Variants in SEH1L observed in about 807,000 individuals in gnomAD.
The protein encoded by SEH1L is SEH1 like nucleoporin, also known as nucleoporin SEH1.
Under a neutral mutation model 49.5 loss-of-function variants are expected in SEH1L, and 18 were observed. That is an observed-to-expected ratio of 0.36 (90% CI 0.25 to 0.54). SEH1L has a LOEUF of 0.54. Among genes scored for constraint, SEH1L ranks in the 20% least tolerant of loss-of-function variants. The pLI is 0.87. For missense variants in SEH1L, 404 were observed against 528.8 expected, an observed-to-expected ratio of 0.76 and a Z score of 2.31; for synonymous variants, 169 against 178.1, an observed-to-expected ratio of 0.95 and a Z score of 0.41.
intron 1 of SEH1L, among the ~76,000 whole-genome samples, chr18:12,949,449 T>TTTTTTG: frequency 8.8e-6 from 1 of 113,950 alleles, no homozygotes; most frequent in Non-Finnish European, 1.9e-5. Flanking sequence ...ACCGTTTTTT[T>TTTTTTG]TTTTTTTTTT....
intron 6 of SEH1L, among the ~76,000 whole-genome samples, chr18:12,979,377 G>C (rs1489983837): frequency 6.7e-6 from 1 of 148,796 alleles, no homozygotes; most frequent in Non-Finnish European, 1.5e-5. Context: ...GAGAGCACAG[G>C]GTTGGGGGTA....
intron 6 of SEH1L, among the ~76,000 whole-genome samples, chr18:12,980,094 C>A (rs1456515809): frequency 1.8e-4 from 15 of 85,370 alleles, no homozygotes; most frequent in Middle Eastern, 0.013. Flanking sequence ...GACCCCCCCC[C>A]ACCTCCCTCC....
At chr18:12,956,229 A>G (rs1175102546) in intron 3 of SEH1L, among the ~76,000 whole-genome samples, 1 of 151,960 alleles carries the variant, frequency 6.6e-6, no homozygotes, top group Non-Finnish European at 1.5e-5. Context: ...CATTTTTAGT[A>G]GAGACGGGGT....
At chr18:12,981,860 T>TC (rs1262842952) in intron 6 of SEH1L, among the ~76,000 whole-genome samples, 1 of 129,338 alleles carries the variant, frequency 7.7e-6, no homozygotes, top group East Asian at 2.1e-4. Flanking sequence ...ATTTTTTTTT[T>TC]TTTTTTTTTT....
At chr18:12,966,969 T>G (rs554956211) in intron 4 of SEH1L, among the ~76,000 whole-genome samples, 1 of 152,236 alleles carries the variant, frequency 6.6e-6, no homozygotes, top group Admixed American at 6.5e-5. Flanking sequence ...CAATCATTTT[T>G]AATTGTTCAG....
chr18:12,971,064 G>C, intron 4 of SEH1L, 89 bp from the exon 5 acceptor site: 1 of 866,358 alleles, frequency 1.2e-6, no homozygotes, highest in Non-Finnish European at 1.9e-6. Flanking sequence ...ACTGTAAGCT[G>C]GTTGTCTGCT....
chr18:12,960,627 TG>T (rs1202293228), intron 3 of SEH1L, among the ~76,000 whole-genome samples: 2 of 152,182 alleles, frequency 1.3e-5, no homozygotes, highest in Non-Finnish European at 2.9e-5. Context: ...CAGCTGCTTA[TG>T]GGGAGGAAGG....
intron 4 of SEH1L, among the ~76,000 whole-genome samples, chr18:12,965,638 C>T (rs74440160): frequency 2.2e-3 from 335 of 152,296 alleles, no homozygotes; most frequent in Non-Finnish European, 4.3e-3. Flanking sequence ...GTTTTATTAA[C>T]GAGCTGTCGT....
Position 12,953,129 on chromosome 18 carries a change from A to G in SEH1L, c.162+1224A>G, listed in dbSNP as rs186458436. On this transcript the variant is annotated intron_variant, in intron 2 of 8. Transcript: ENST00000399892. ...TCATAGAAATGGAATTTTGAAATAC[A>G]TAGTCCTTTGTGTCTGGCCACTTTC... is the stretch of plus-strand genomic sequence containing the variant. Among the ~76,000 whole-genome samples the G allele has an allele frequency of 1.2e-4, 18 of 152,318 alleles. No homozygotes were observed. The East Asian group carries it at 3.3e-3, about 28-fold the overall frequency.
At chr18:12,954,024 G>C (rs957408106) in intron 2 of SEH1L, among the ~76,000 whole-genome samples, 2 of 151,812 alleles carry the variant, frequency 1.3e-5, no homozygotes, top group African/African-American at 4.8e-5. Context: ...TAATTTTATA[G>C]CCCTGTATAA....
At chr18:12,981,380 C>T (rs919076399) in intron 6 of SEH1L, among the ~76,000 whole-genome samples, 10 of 152,078 alleles carry the variant, frequency 6.6e-5, no homozygotes, top group Admixed American at 1.3e-4. Context: ...TGTAGCGAGC[C>T]GAGATCACGC....
intron 4 of SEH1L, among the ~76,000 whole-genome samples, chr18:12,965,918 G>A (rs983454903): frequency 6.6e-6 from 1 of 152,124 alleles, no homozygotes; most frequent in African/African-American, 2.4e-5. Flanking sequence ...AGTAACAGAA[G>A]TACAGTAGAC....
intron 4 of SEH1L, 142 bp downstream of exon 4, chr18:12,963,513 C>A: frequency 1.6e-6 from 1 of 628,892 alleles, no homozygotes; most frequent in Non-Finnish European, 2.7e-6. Flanking sequence ...TTCACCCAGG[C>A]ATGTCATTTG....
intron 6 of SEH1L, among the ~76,000 whole-genome samples, chr18:12,979,822 C>T (rs1163488005): frequency 2.8e-5 from 4 of 141,378 alleles, no homozygotes; most frequent in South Asian, 4.6e-4. Context: ...TAGGGGCGGC[C>T]GGGCAGAGGC....
At position 12,984,176 on chromosome 18, in the gene SEH1L, A is replaced by G. The variant is rs763031454; in HGVS notation, c.1056A>G (p.Gly352=). ...CAAGTCTTCAGAATTCATTAAATGGATCTTCTGCTGGCAGGTAGGCTGCTT... is the reference window on the plus strand; with the variant it reads ...CAAGTCTTCAGAATTCATTAAATGGGTCTTCTGCTGGCAGGTAGGCTGCTT... ...TIPSLQNSLN[G]SSAGRYFFTP... The change falls in exon 8 of 9, where the codon GGA becomes GGG. Residue 352 remains glycine, a synonymous_variant. Transcript: ENST00000399892. 1 of 1,613,658 alleles carries G rather than the reference A, an allele frequency of 6.2e-7. No homozygotes were observed. The highest frequency in any genetic ancestry group is 8.5e-7 in the Non-Finnish European group (1 of 1,179,738).
chr18:12,979,226 T>C (rs2032058547), intron 6 of SEH1L, among the ~76,000 whole-genome samples: 1 of 149,178 alleles, frequency 6.7e-6, no homozygotes, highest in African/African-American at 2.5e-5. Context: ...CCTTCTGCAG[T>C]GTTTGTGTCC....
At chr18:12,956,539 G>C (rs2030874847) in intron 3 of SEH1L, among the ~76,000 whole-genome samples, 1 of 146,306 alleles carries the variant, frequency 6.8e-6, no homozygotes, top group Non-Finnish European at 1.5e-5. Context: ...ATAAACACTG[G>C]TTTTACATCA....
intron 4 of SEH1L, among the ~76,000 whole-genome samples, chr18:12,970,927 T>C (rs147097098): frequency 6.6e-6 from 1 of 152,314 alleles, no homozygotes; most frequent in Non-Finnish European, 1.5e-5. Context: ...CATAAGAATA[T>C]GCTAAAAACA....
chr18:12,968,347 G>A (rs1369893109), intron 4 of SEH1L, among the ~76,000 whole-genome samples: 1 of 152,160 alleles, frequency 6.6e-6, no homozygotes, highest in African/African-American at 2.4e-5. Flanking sequence ...AAGATTTTCC[G>A]TTGAGCACGA....
Sources: allele counts gnomAD v4.1 joint callset (sites outside exome capture counted in the v4.1 genomes callset), GRCh38; gene constraint gnomAD v4.1.1; transcripts MANE v1.5; gene names NCBI Gene and HGNC (gene_info 2026-07-23, HGNC 2026-07-21).